WDR86: variants seen among roughly 807,000 people sequenced by gnomAD.
WDR86 encodes the protein WD repeat-containing protein 86.
Under a neutral mutation model 36.5 loss-of-function variants are expected in WDR86, and 30 were observed. The observed-to-expected ratio is 0.82, with a 90% CI of 0.61 to 1.11. The LOEUF (loss-of-function observed/expected upper bound fraction) is 1.11, where lower values mean the gene tolerates loss of function less well. WDR86 is among the 50% of genes most tolerant of loss of function. The probability of loss-of-function intolerance (pLI) is 0.00; values close to 1 mark genes in which losing one functional copy is unlikely to be tolerated. For missense variants in WDR86, 545 were observed against 561.2 expected (o/e 0.97, Z 0.29); for synonymous variants, 255 against 252.9 (o/e 1.01, Z -0.08).
chr7:151,374,391 C>G, downstream of WDR86: 2 of 1,074,294 alleles, frequency 1.9e-6, no homozygotes, highest in Non-Finnish European at 2.8e-6. Flanking sequence ...TCCTGGGCTC[C>G]AGCCCAGACA....
At chr7:151,374,825 C>A (rs1337416844), downstream of WDR86, among the ~76,000 whole-genome samples, 1 of 152,178 alleles carries the variant, frequency 6.6e-6, no homozygotes, top group East Asian at 1.9e-4. Context: ...GGCATGGAAC[C>A]ACCCTCTGCC....
chr7:151,389,498 G>A (rs1167050905), intron 3 of WDR86, among the ~76,000 whole-genome samples: 2 of 152,162 alleles, frequency 1.3e-5, no homozygotes, highest in African/African-American at 4.8e-5. Flanking sequence ...GGAAACCTCA[G>A]CCACTCTCTC....
chr7:151,400,747 G>A (rs1800224734), intron 1 of WDR86, among the ~76,000 whole-genome samples: 1 of 152,228 alleles, frequency 6.6e-6, no homozygotes, highest in African/African-American at 2.4e-5. Context: ...CGGGGTACCA[G>A]TGAGGCACGA....
chr7:151,406,366 G>A lies in WDR86; in HGVS notation c.163+3061C>T, dbSNP rs1033371262. 2.6e-5 allele frequency among the ~76,000 whole-genome samples: 4 copies of A among 152,326 alleles called. No individual in the cohort carries two copies. Among genetic ancestry groups the A allele is most frequent in the East Asian group, 1.9e-4 (1 of 5,182 alleles). On this transcript the variant is annotated intron_variant, in intron 1 of 5. Coordinates refer to ENST00000334493, the MANE Select transcript of WDR86 (RefSeq NM_198285.3). The surrounding 1 kb of genome is among the most constrained non-coding windows in gnomAD (Gnocchi z 4.4). ...CCTGCGGTCCCTGATTGCCCCTGCT[G>A]CCATGAACAGAGCCAGAGGTCTCTA... is the stretch of plus-strand genomic sequence containing the variant.
intron 1 of WDR86, among the ~76,000 whole-genome samples, chr7:151,402,070 A>AAAAAAAAAT: frequency 1.2e-4 from 6 of 50,534 alleles, no homozygotes; most frequent in East Asian, 4.9e-4. Flanking sequence ...AAAAAAAAAA[A>AAAAAAAAAT]ATATATATAT....
intron 2 of WDR86, 114 bp downstream of exon 2, chr7:151,399,986 G>A: frequency 9.5e-7 from 1 of 1,048,754 alleles, no homozygotes; most frequent in Non-Finnish European, 1.3e-6. Context: ...CCACGTTTTT[G>A]CTTCCCCAGA....
At chr7:151,375,322 C>T (rs951463521), downstream of WDR86, among the ~76,000 whole-genome samples, 3 of 151,996 alleles carry the variant, frequency 2.0e-5, no homozygotes, top group African/African-American at 7.3e-5. Context: ...ACTGATGGGT[C>T]TCAAAATAGA....
chr7:151,399,627 G>A (rs777956051), intron 2 of WDR86, among the ~76,000 whole-genome samples: 1 of 152,250 alleles, frequency 6.6e-6, no homozygotes. Flanking sequence ...TTCTTGAGAA[G>A]GAGGGGCTGG....
downstream of WDR86, among the ~76,000 whole-genome samples, chr7:151,378,801 C>T (rs554889784): frequency 3.8e-4 from 58 of 152,348 alleles, no homozygotes; most frequent in South Asian, 0.012. Context: ...CGCTGTCCTG[C>T]GCTTGGTTCA....
intron 4 of WDR86, among the ~76,000 whole-genome samples, chr7:151,383,833 A>C (rs1356579902): frequency 6.6e-6 from 1 of 152,232 alleles, no homozygotes; most frequent in Non-Finnish European, 1.5e-5. Context: ...CAAGACCAAG[A>C]ACCGAGCTGG....
chr7:151,399,244 C>T (rs1374656606), intron 2 of WDR86, among the ~76,000 whole-genome samples: 2 of 152,356 alleles, frequency 1.3e-5, no homozygotes, highest in East Asian at 1.9e-4. Context: ...GCGACTCCAG[C>T]GAGCTGGGCT....
rs762951406 is a variant in WDR86, at chr7:151,395,955, C to T, written c.547G>A (p.Gly183Ser). Residue 183 changes from glycine (G) to serine (S), a missense_variant, in exon 3 of 6, where the codon GGC becomes AGC. Physicochemically the swap from Gly to Ser is moderately conservative, Grantham distance 56. Transcript: ENST00000334493. ...CCCCGCAGCGTCTGGTGGCAGCAGC[C>T]GCTGGCCACCTGCCACACCTTGGCT... ...GTAKVWQVAS[G>S]CCHQTLRGHT... 2.2e-5 allele frequency: 35 copies of T among 1,586,106 alleles called. 1 individual carries two copies. In the South Asian group the frequency reaches 2.6e-4, roughly 12 times the overall value.
At chr7:151,374,261 G>T, downstream of WDR86, 1 of 1,551,020 alleles carries the variant, frequency 6.4e-7, no homozygotes, top group Non-Finnish European at 8.7e-7. Context: ...CTCCCTCGGG[G>T]CCTCTGGCCT....
rs762282131 is a variant in WDR86 at position 151,406,492 on chromosome 7, G to A, written c.163+2935C>T. 6.6e-6 allele frequency among the ~76,000 whole-genome samples: 1 copy of A among 152,216 alleles called. No individual in the cohort carries two copies. Among genetic ancestry groups the A allele is most frequent in the East Asian group, 1.9e-4 (1 of 5,198 alleles). On this transcript the variant is annotated intron_variant, in intron 1 of 5. Transcript: ENST00000334493. The surrounding 1 kb of genome is among the most constrained non-coding windows in gnomAD (Gnocchi z 4.4). ...CTTGTGGGCCCAGAGCTGTGCAAGG[G>A]CCAGGACGGAACCAAAGTGGAAAGA...
At chr7:151,394,309 G>C (rs550794520) in intron 3 of WDR86, among the ~76,000 whole-genome samples, 2 of 152,266 alleles carry the variant, frequency 1.3e-5, no homozygotes, top group Admixed American at 1.3e-4. Context: ...TGCTCCCCTG[G>C]TCTTGGAGCC....
chr7:151,384,012 G>C (rs1798798775), intron 4 of WDR86, among the ~76,000 whole-genome samples: 1 of 152,226 alleles, frequency 6.6e-6, no homozygotes, highest in South Asian at 2.1e-4. Flanking sequence ...TCCAGCCTTG[G>C]ACACAGGAAC....
downstream of WDR86, chr7:151,376,823 G>T: frequency 6.4e-7 from 1 of 1,568,494 alleles, no homozygotes; most frequent in Non-Finnish European, 8.6e-7. Context: ...TAGGTCTGAG[G>T]TCTTTGAGGG....
At position 151,388,197 on chromosome 7, in the gene WDR86, C is replaced by T. The variant is rs1337352397; in HGVS notation, c.727-2974G>A. ...CAGATCCTGTAGGTCTTTCTTTTCTCTGGCTGGATTTGAAATGCTTCGTTT... is the reference window on the plus strand; with the variant it reads ...CAGATCCTGTAGGTCTTTCTTTTCTTTGGCTGGATTTGAAATGCTTCGTTT... On this transcript the variant is annotated intron_variant, in intron 3 of 5. Coordinates refer to ENST00000334493, the MANE Select transcript of WDR86 (RefSeq NM_198285.3). This position sits in a 1 kb window ranked among gnomAD's most constrained non-coding sequence, Gnocchi z 4.2. Among the ~76,000 whole-genome samples the T allele has an allele frequency of 6.6e-6, 1 of 152,272 alleles. No individual in the cohort carries two copies. The highest frequency in any genetic ancestry group is 6.5e-5 in the Admixed American group (1 of 15,288).
chr7:151,380,093 C>G (rs576422731), downstream of WDR86, among the ~76,000 whole-genome samples: 1 of 152,210 alleles, frequency 6.6e-6, no homozygotes, highest in Admixed American at 6.5e-5. Flanking sequence ...AAGTCTCACC[C>G]GGAGAACAGT....
Sources: gnomAD v4.1 joint callset for allele counts (sites outside exome capture counted in the v4.1 genomes callset) on GRCh38, gnomAD v4.1.1 for gene constraint, Gnocchi (gnomAD v3.1) non-coding constraint, MANE v1.5 for transcripts, NCBI Gene and HGNC (gene_info 2026-07-23, HGNC 2026-07-21) for gene names.